DACH2: variants seen among roughly 807,000 people sequenced by gnomAD.
DACH2 encodes the protein dachshund family transcription factor 2, also known as dachshund homolog 2.
A neutral mutation model predicts 35.8 loss-of-function variants in DACH2; 17 were observed. The observed-to-expected ratio is 0.48, with a 90% CI of 0.33 to 0.71. The LOEUF (loss-of-function observed/expected upper bound fraction) is 0.71, where lower values mean the gene tolerates loss of function less well. DACH2 is among the 30% of genes least tolerant of loss of function. DACH2 has a pLI of 0.02. For missense variants in DACH2, 469 were observed against 472.7 expected (o/e 0.99, Z 0.07); for synonymous variants, 195 against 177.3 (o/e 1.10, Z -0.79).
chrX:86,343,874 A>G (rs1472718723), intron 1 of DACH2, among the ~76,000 whole-genome samples: 2 of 110,932 alleles, frequency 1.8e-5, no homozygotes, highest in African/African-American at 6.5e-5. Flanking sequence ...AAAATTTATC[A>G]TTGGAGAGTG....
intron 1 of DACH2, among the ~76,000 whole-genome samples, chrX:86,296,169 G>A (rs2034450189): frequency 1.9e-5 from 2 of 106,799 alleles, no homozygotes; most frequent in Non-Finnish European, 3.9e-5. Flanking sequence ...CACGAGGTCA[G>A]GAGATCGAGA....
At position 86,785,006 on chromosome X, in the gene DACH2, CA is replaced by C. The variant is rs778830746; in HGVS notation, c.1241-27844del. On this transcript the variant is annotated intron_variant, in intron 7 of 11. Transcript: ENST00000373125. ...TGGAGGGTGGGAGGAGAGAGATGAT[CA>C]AAAAACTACATATCTGGTATTATGT... is the stretch of plus-strand genomic sequence containing the variant. 1.4e-4 allele frequency among the ~76,000 whole-genome samples: 16 copies of C among 110,612 alleles called. No homozygotes were observed. In the East Asian group the frequency reaches 3.5e-3, roughly 24 times the overall value.
At chrX:86,403,187 A>G (rs2036465264) in intron 2 of DACH2, among the ~76,000 whole-genome samples, 3 of 112,375 alleles carry the variant, frequency 2.7e-5, no homozygotes, top group Non-Finnish European at 5.6e-5. Flanking sequence ...GAGAAATGGG[A>G]CCTAATTAAA....
intron 1 of DACH2, among the ~76,000 whole-genome samples, chrX:86,151,106 A>G (rs1158361887): frequency 2.7e-5 from 3 of 111,568 alleles, no homozygotes; most frequent in African/African-American, 9.7e-5. Context: ...CTATAAATGG[A>G]AACTTTTCCT....
At position 86,813,011 on chromosome X, in the gene DACH2, A is replaced by G; in HGVS notation, c.1389+7A>G. ...TCTGTTGACCAACATTCAGGTCAAC[A>G]ATATTTCTATAAACAAAATAAATGT... On this transcript the variant is annotated splice_region_variant and intron_variant, in intron 8 of 11. Coordinates refer to ENST00000373125, the MANE Select transcript of DACH2 (RefSeq NM_053281.3). The G allele has an allele frequency of 8.5e-7, 1 of 1,181,486 alleles. No homozygotes were observed. Among genetic ancestry groups the G allele is most frequent in the Non-Finnish European group, 1.1e-6 (1 of 879,518 alleles).
chrX:86,748,894 A>G (rs1177301915), intron 7 of DACH2, among the ~76,000 whole-genome samples: 1 of 111,311 alleles, frequency 9.0e-6, no homozygotes, highest in African/African-American at 3.3e-5. Flanking sequence ...TTCCTCAATG[A>G]TCTTAGCTAG....
chrX:86,197,454 G>T (rs2147898168), intron 1 of DACH2, among the ~76,000 whole-genome samples: 1 of 111,265 alleles, frequency 9.0e-6, no homozygotes, highest in African/African-American at 3.3e-5. Context: ...CAATTAAAAG[G>T]TGATGAATGG....
chrX:86,646,490 A>T (rs1296135018), intron 3 of DACH2, among the ~76,000 whole-genome samples: 2 of 110,510 alleles, frequency 1.8e-5, no homozygotes, highest in African/African-American at 3.3e-5. Context: ...GACAAAACTG[A>T]TAGAAGAAAA....
intron 1 of DACH2, among the ~76,000 whole-genome samples, chrX:86,282,329 A>G (rs1326506799): frequency 9.0e-6 from 1 of 111,444 alleles, no homozygotes. Context: ...AACAGAACAC[A>G]GGCCTCAGAA....
chrX:86,418,112 A>C, intron 2 of DACH2, among the ~76,000 whole-genome samples: 2 of 112,350 alleles, frequency 1.8e-5, no homozygotes, highest in Non-Finnish European at 3.8e-5. Context: ...GTGGGTGCCC[A>C]TGGTCTTGGA....
At chrX:86,593,552 G>A (rs1361053299) in intron 3 of DACH2, among the ~76,000 whole-genome samples, 9 of 108,609 alleles carry the variant, frequency 8.3e-5, no homozygotes, top group Admixed American at 7.0e-4. Flanking sequence ...TCAGCCTCCC[G>A]AGTAGCTGGG....
intron 5 of DACH2, among the ~76,000 whole-genome samples, chrX:86,708,324 A>C (rs1482647533): frequency 9.0e-6 from 1 of 110,906 alleles, no homozygotes; most frequent in Non-Finnish European, 1.9e-5. Flanking sequence ...TAAAATTTAT[A>C]CCAATTAGGG....
At chrX:86,515,870 C>T (rs1039918087) in intron 3 of DACH2, among the ~76,000 whole-genome samples, 2 of 112,268 alleles carry the variant, frequency 1.8e-5, no homozygotes, top group Non-Finnish European at 3.8e-5. Context: ...AAGGAATATC[C>T]GTTGCTACTG....
chrX:86,685,560 C>T (rs2040932654), intron 4 of DACH2, among the ~76,000 whole-genome samples: 1 of 111,411 alleles, frequency 9.0e-6, no homozygotes, highest in African/African-American at 3.3e-5. Flanking sequence ...ATTCTAGGAA[C>T]TAGCTCTTTA....
chrX:86,222,765 C>A (rs1405393550), intron 1 of DACH2, among the ~76,000 whole-genome samples: 1 of 110,609 alleles, frequency 9.0e-6, no homozygotes, highest in East Asian at 2.9e-4. Flanking sequence ...GGCTACTTAA[C>A]TGAGAGATCT....
chrX:86,633,170 T>C (rs762607975), intron 3 of DACH2, among the ~76,000 whole-genome samples: 12 of 110,625 alleles, frequency 1.1e-4, no homozygotes, highest in Non-Finnish European at 2.3e-4. Flanking sequence ...AAATGAAATG[T>C]TGGTTATTTG....
intron 1 of DACH2, among the ~76,000 whole-genome samples, chrX:86,346,539 T>C (rs745578799): frequency 9.0e-6 from 1 of 111,380 alleles, no homozygotes; most frequent in East Asian, 2.8e-4. Flanking sequence ...CATCTTAAGA[T>C]AAAACCCCAA....
intron 2 of DACH2, among the ~76,000 whole-genome samples, chrX:86,452,689 T>G (rs1392220416): frequency 1.8e-5 from 2 of 111,800 alleles, no homozygotes; most frequent in Non-Finnish European, 1.9e-5. Context: ...CATTTCTGAT[T>G]GTGTTTGCTT....
intron 3 of DACH2, among the ~76,000 whole-genome samples, chrX:86,590,327 A>T (rs906028785): frequency 8.9e-6 from 1 of 112,071 alleles, no homozygotes; most frequent in African/African-American, 3.2e-5. Context: ...ACCTTTATGG[A>T]GGAAGAACTT....
Sources: gnomAD v4.1 joint callset for allele counts (sites outside exome capture counted in the v4.1 genomes callset) on GRCh38, gnomAD v4.1.1 for gene constraint, MANE v1.5 for transcripts, NCBI Gene and HGNC (gene_info 2026-07-23, HGNC 2026-07-21) for gene names.